The following SLC35F3 variants were observed in gnomAD, a reference collection of about 807,000 sequenced individuals.
SLC35F3 encodes the protein putative thiamine transporter SLC35F3.
In SLC35F3, 25 loss-of-function variants were observed where a neutral mutation model predicts 49.9. The observed-to-expected ratio is 0.50, with a 90% CI of 0.37 to 0.70. The LOEUF (loss-of-function observed/expected upper bound fraction) is 0.70. Among genes scored for constraint, SLC35F3 ranks in the 30% least tolerant of loss-of-function variants. The pLI is 0.00. For synonymous variants in SLC35F3, 275 were observed against 265.4 expected, an observed-to-expected ratio of 1.04 and a Z score of -0.35; for missense variants, 525 against 639.8, an observed-to-expected ratio of 0.82 and a Z score of 1.94.
At chr1:233,969,465 G>A (rs7556173) in intron 2 of SLC35F3, among the ~76,000 whole-genome samples, 6 of 151,956 alleles carry the variant, frequency 3.9e-5, no homozygotes, top group Non-Finnish European at 7.4e-5. Flanking sequence ...CTCTGGTGCC[G>A]TTCCTGCCTT....
chr1:233,929,366 T>C (rs1476395989), intron 2 of SLC35F3, among the ~76,000 whole-genome samples: 1 of 152,196 alleles, frequency 6.6e-6, no homozygotes, highest in Non-Finnish European at 1.5e-5. Flanking sequence ...CTAAGATTTA[T>C]TTACAATGTC....
rs572825441 is a variant in SLC35F3, at chr1:234,054,667, G to A, written c.283+148909G>A. ...ACTCATCAAAGTCATTCTCTGTCCG[G>A]CTTTGTTCTGTTGTTGGCAAAGAGC... On this transcript the variant is annotated intron_variant, in intron 2 of 7. Transcript: ENST00000366618. 5.3e-5 allele frequency among the ~76,000 whole-genome samples: 8 copies of A among 152,272 alleles called. No individual in the cohort carries two copies. In the South Asian group the frequency reaches 1.7e-3, roughly 32 times the overall value.
At chr1:233,923,623 A>G (rs1662105079) in intron 2 of SLC35F3, among the ~76,000 whole-genome samples, 2 of 152,188 alleles carry the variant, frequency 1.3e-5, no homozygotes, top group Admixed American at 6.5e-5. Context: ...TCTTTTCCTA[A>G]TTGAATACCC....
At chr1:234,023,682 C>T (rs111965126) in intron 2 of SLC35F3, among the ~76,000 whole-genome samples, 220 of 152,110 alleles carry the variant, frequency 1.4e-3, no homozygotes, top group Middle Eastern at 6.8e-3. Context: ...GGGCAATCAC[C>T]GCCTCAGGCA....
At chr1:234,194,421 A>G (rs2102930970) in intron 2 of SLC35F3, among the ~76,000 whole-genome samples, 1 of 152,294 alleles carries the variant, frequency 6.6e-6, no homozygotes, top group South Asian at 2.1e-4. Context: ...TAAGAATAAT[A>G]CAGTGGAATT....
chr1:233,935,189 CTTTTTTT>C (rs35418747), intron 2 of SLC35F3, among the ~76,000 whole-genome samples: 53 of 50,304 alleles, frequency 1.1e-3, no homozygotes, highest in Admixed American at 3.7e-3. Context: ...TTTCCTTGCC[CTTTTTTT>C]TTTTTTTTTT....
intron 2 of SLC35F3, among the ~76,000 whole-genome samples, chr1:234,207,167 C>T (rs1666982945): frequency 1.3e-5 from 2 of 151,834 alleles, no homozygotes; most frequent in South Asian, 4.2e-4. Context: ...CCCTCCTCAC[C>T]TTGAGTCCAG....
chr1:233,905,006 C>T lies in SLC35F3; in HGVS notation c.-72C>T, dbSNP rs1054375531. The T allele has an allele frequency of 2.0e-6, 3 of 1,496,912 alleles. No individual in the cohort carries two copies. Among genetic ancestry groups the T allele is most frequent in the Admixed American group, 2.0e-5 (1 of 50,340 alleles). 92.7% of individuals were successfully genotyped at this position (1,496,912 alleles called of 1,614,324 possible). On this transcript the variant is annotated 5_prime_UTR_variant, in exon 1 of 8. Coordinates refer to ENST00000366618, the MANE Select transcript of SLC35F3 (RefSeq NM_173508.4). ...CACTCCAGTCTTCCCAGGCTAGCGG[C>T]TGCAGGGAGCTCCGGCCCGCGGCCC...
At chr1:233,968,266 GAC>G (rs1662932347) in intron 2 of SLC35F3, among the ~76,000 whole-genome samples, 1 of 152,046 alleles carries the variant, frequency 6.6e-6, no homozygotes, top group Non-Finnish European at 1.5e-5. Context: ...TTCTTATAAG[GAC>G]ACAAATCATT....
chr1:234,009,862 G>A (rs1449833327), intron 2 of SLC35F3, among the ~76,000 whole-genome samples: 1 of 152,030 alleles, frequency 6.6e-6, no homozygotes, highest in Non-Finnish European at 1.5e-5. Context: ...AAGTGCTGAG[G>A]GAATAAAATT....
At chr1:233,933,378 T>C (rs72753714) in intron 2 of SLC35F3, among the ~76,000 whole-genome samples, 17,143 of 152,094 alleles carry the variant, frequency 0.11, 1,046 homozygotes, top group Non-Finnish European at 0.14. Context: ...AGACAGGGTC[T>C]CCCTCTGCCA....
chr1:234,038,979 T>C (rs920315497), intron 2 of SLC35F3, among the ~76,000 whole-genome samples: 31 of 152,192 alleles, frequency 2.0e-4, no homozygotes, highest in African/African-American at 7.0e-4. Flanking sequence ...GAGGAAAGCA[T>C]GGAGAAATGC....
chr1:234,155,708 G>A (rs1374972599), intron 2 of SLC35F3, among the ~76,000 whole-genome samples: 1 of 151,120 alleles, frequency 6.6e-6, no homozygotes, highest in Non-Finnish European at 1.5e-5. Context: ...GCTAACAATT[G>A]CCTGAAAAAT....
chr1:234,275,752 G>GAAA (rs71576411), intron 3 of SLC35F3, among the ~76,000 whole-genome samples: 4,763 of 138,884 alleles, frequency 0.034, 102 homozygotes, highest in Non-Finnish European at 0.044. Context: ...GGTAAGTATT[G>GAAA]AAAAAAAAAA....
intron 2 of SLC35F3, among the ~76,000 whole-genome samples, chr1:234,147,863 G>A (rs1026657045): frequency 6.6e-6 from 1 of 152,218 alleles, no homozygotes. Context: ...CTCTTGAGTG[G>A]CTTGTTCAGG....
At chr1:234,156,015 G>A (rs944945508) in intron 2 of SLC35F3, among the ~76,000 whole-genome samples, 1 of 151,666 alleles carries the variant, frequency 6.6e-6, no homozygotes, top group Non-Finnish European at 1.5e-5. Flanking sequence ...AAAATTAAAA[G>A]GTAAACAACA....
intron 2 of SLC35F3, among the ~76,000 whole-genome samples, chr1:234,091,617 C>T (rs1385928720): frequency 6.6e-6 from 1 of 152,230 alleles, no homozygotes; most frequent in African/African-American, 2.4e-5. Context: ...GAAATAACAA[C>T]TCTTATTAAT....
At chr1:233,947,190 G>T (rs956028523) in intron 2 of SLC35F3, among the ~76,000 whole-genome samples, 11 of 152,098 alleles carry the variant, frequency 7.2e-5, no homozygotes, top group Non-Finnish European at 1.5e-4. Context: ...AACCCACTGG[G>T]CTAAAAAGAA....
chr1:234,083,922 C>T (rs1425753883), intron 2 of SLC35F3, among the ~76,000 whole-genome samples: 1 of 151,572 alleles, frequency 6.6e-6, no homozygotes, highest in Non-Finnish European at 1.5e-5. Flanking sequence ...ACCACAACCT[C>T]CGCCTCCTGG....
Sources: allele counts gnomAD v4.1 joint callset (sites outside exome capture counted in the v4.1 genomes callset), GRCh38; gene constraint gnomAD v4.1.1; transcripts MANE v1.5; gene names NCBI Gene and HGNC (gene_info 2026-07-23, HGNC 2026-07-21).